Variants in GABRG3 observed in about 807,000 individuals in gnomAD.
The protein encoded by GABRG3 is gamma-aminobutyric acid receptor subunit gamma-3.
In GABRG3, 25 loss-of-function variants were observed where a neutral mutation model predicts 48.8. That is an observed-to-expected ratio of 0.51 (90% CI 0.37 to 0.72). The LOEUF (loss-of-function observed/expected upper bound fraction) is 0.72, where lower values mean the gene tolerates loss of function less well. Among genes scored for constraint, GABRG3 ranks in the 30% least tolerant of loss-of-function variants. The pLI, the probability that GABRG3 is intolerant of heterozygous loss-of-function variation, is 0.00. For synonymous variants in GABRG3, 227 were observed against 217.6 expected (o/e 1.04, Z -0.38); for missense variants, 394 against 577.9 (o/e 0.68, Z 3.26).
At chr15:26,977,191 G>A (rs748707321) in intron 2 of GABRG3, 41 bp downstream of exon 2, 10 of 1,577,924 alleles carry the variant, frequency 6.3e-6, no homozygotes, top group Non-Finnish European at 8.6e-6. Context: ...AAAATATGCT[G>A]TAGTGATATG....
At chr15:27,270,856 C>T (rs1891061489) in intron 3 of GABRG3, among the ~76,000 whole-genome samples, 1 of 152,168 alleles carries the variant, frequency 6.6e-6, no homozygotes, top group South Asian at 2.1e-4. Context: ...AACATTATTT[C>T]ATGTCAATCA....
In GABRG3 at chr15:27,525,187, AAC is replaced by A. The variant is rs869045056; in HGVS notation, c.866-2244_866-2243del. 6.9e-3 allele frequency among the ~76,000 whole-genome samples: 744 copies of A among 107,958 alleles called. 2 individuals are homozygous for A. Among genetic ancestry groups the A allele is most frequent in the East Asian group, 0.044 (135 of 3,082 alleles). 70.8% of individuals were successfully genotyped at this position (107,958 alleles called of 152,430 possible). On this transcript the variant is annotated intron_variant, in intron 7 of 9. Transcript: ENST00000615808. ...AGGGCATTGTGCTGAATGAAAAAAA[AAC>A]AAAGCCAATATCAAAATGTGTTATT...
At chr15:27,375,379 C>T (rs143838824) in intron 5 of GABRG3, among the ~76,000 whole-genome samples, 62 of 152,246 alleles carry the variant, frequency 4.1e-4, no homozygotes, top group Non-Finnish European at 7.6e-4. Flanking sequence ...CTTGAGGTAT[C>T]TTCTTCAGTT....
At position 27,292,066 on chromosome 15, in the gene GABRG3, C is replaced by G. The variant is rs569405446; in HGVS notation, c.271-34743C>G. 1.6e-4 allele frequency among the ~76,000 whole-genome samples: 24 copies of G among 152,260 alleles called. No homozygotes were observed. In the East Asian group the frequency reaches 4.6e-3, roughly 29 times the overall value. The stretch of plus-strand genomic sequence containing the variant: ...GGTTTTCTGTTCTTGTATTAGTTTG[C>G]TGAGAATGATGGTTTCCAGCTTCAT... On this transcript the variant is annotated intron_variant, in intron 3 of 9. Transcript: ENST00000615808.
chr15:27,523,326 A>T (rs1891200726), intron 7 of GABRG3, among the ~76,000 whole-genome samples: 3 of 151,806 alleles, frequency 2.0e-5, no homozygotes, highest in African/African-American at 7.2e-5. Flanking sequence ...TACAATGAAT[A>T]GCATCTTTCT....
At chr15:26,997,000 G>C (rs1895354857) in intron 2 of GABRG3, among the ~76,000 whole-genome samples, 1 of 152,016 alleles carries the variant, frequency 6.6e-6, no homozygotes, top group African/African-American at 2.4e-5. Context: ...ATCTCTGTTA[G>C]TTTTTCATCA....
At chr15:27,243,735 T>G (rs1011365) in intron 3 of GABRG3, among the ~76,000 whole-genome samples, 37,209 of 152,106 alleles carry the variant, frequency 0.24, 6,336 homozygotes, top group East Asian at 0.52. Context: ...TTAATACCAA[T>G]TCAACATCAG....
chr15:27,297,714 A>G (rs1193415773), intron 3 of GABRG3, among the ~76,000 whole-genome samples: 4 of 152,164 alleles, frequency 2.6e-5, no homozygotes, highest in Admixed American at 6.6e-5. Context: ...ATGTATGACT[A>G]TATAGTTGCT....
At chr15:27,502,088 G>A (rs1159330741) in intron 6 of GABRG3, among the ~76,000 whole-genome samples, 1 of 152,204 alleles carries the variant, frequency 6.6e-6, no homozygotes, top group Non-Finnish European at 1.5e-5. Flanking sequence ...AGGTAGGAGA[G>A]TGTGTAATGT....
intron 2 of GABRG3, among the ~76,000 whole-genome samples, chr15:26,985,852 C>T (rs573951272): frequency 3.3e-5 from 5 of 152,186 alleles, no homozygotes; most frequent in South Asian, 4.1e-4. Context: ...TGATTGTTTC[C>T]GTATTTTAAG....
At chr15:27,403,339 G>C (rs1469594175) in intron 5 of GABRG3, among the ~76,000 whole-genome samples, 1 of 152,046 alleles carries the variant, frequency 6.6e-6, no homozygotes, top group African/African-American at 2.4e-5. Flanking sequence ...GAAAATGAGA[G>C]AGCAATGATG....
intron 5 of GABRG3, among the ~76,000 whole-genome samples, chr15:27,462,327 A>G (rs928120852): frequency 2.0e-5 from 3 of 152,198 alleles, no homozygotes; most frequent in African/African-American, 7.2e-5. Flanking sequence ...TGCAGCATTT[A>G]GAAATGTGCC....
At chr15:27,219,594 A>T (rs2140439892) in intron 3 of GABRG3, among the ~76,000 whole-genome samples, 1 of 152,158 alleles carries the variant, frequency 6.6e-6, no homozygotes, top group Admixed American at 6.5e-5. Flanking sequence ...CACCCTCCTT[A>T]GTCCTCCCCA....
chr15:27,172,901 T>C (rs1403956908), intron 3 of GABRG3, among the ~76,000 whole-genome samples: 1 of 152,146 alleles, frequency 6.6e-6, no homozygotes, highest in Non-Finnish European at 1.5e-5. Flanking sequence ...AGCTCATTCC[T>C]CTCGGGCCAA....
chr15:27,307,436 TTTATATATAAACATATAG>T, intron 3 of GABRG3, among the ~76,000 whole-genome samples: 2 of 82,030 alleles, frequency 2.4e-5, no homozygotes, highest in Non-Finnish European at 5.5e-5. Flanking sequence ...GGTTTATATA[TTTATATATAAACATATAG>T]GTTTATATAT....
intron 3 of GABRG3, among the ~76,000 whole-genome samples, chr15:27,137,753 T>C (rs1898035186): frequency 6.6e-6 from 1 of 152,210 alleles, no homozygotes; most frequent in African/African-American, 2.4e-5. Flanking sequence ...CATGTGGTTT[T>C]TCGTTTCATA....
At chr15:27,087,050 A>G (rs1266717004) in intron 3 of GABRG3, among the ~76,000 whole-genome samples, 1 of 152,240 alleles carries the variant, frequency 6.6e-6, no homozygotes, top group African/African-American at 2.4e-5. Flanking sequence ...GAGCCATCAC[A>G]GTAACAGGTT....
chr15:27,279,283 T>C (rs767803950), intron 3 of GABRG3, among the ~76,000 whole-genome samples: 21 of 152,204 alleles, frequency 1.4e-4, no homozygotes, highest in African/African-American at 1.9e-4. Context: ...GATTTATTGA[T>C]TTTTTTCCTT....
chr15:27,203,385 T>C (rs974657832), intron 3 of GABRG3, among the ~76,000 whole-genome samples: 3 of 152,236 alleles, frequency 2.0e-5, no homozygotes, highest in African/African-American at 7.2e-5. Context: ...TTCATTCTTT[T>C]TTATAGCTGC....
Sources: gnomAD v4.1 joint callset for allele counts (sites outside exome capture counted in the v4.1 genomes callset) on GRCh38, gnomAD v4.1.1 for gene constraint, MANE v1.5 for transcripts, NCBI Gene and HGNC (gene_info 2026-07-23, HGNC 2026-07-21) for gene names.